Variants in SYT14 observed in about 807,000 individuals in gnomAD.
SYT14 encodes the protein synaptotagmin-14.
Under a neutral mutation model 74.2 loss-of-function variants are expected in SYT14, and 32 were observed. The observed-to-expected ratio is 0.43, with a 90% CI of 0.33 to 0.58. The LOEUF (loss-of-function observed/expected upper bound fraction) is 0.58. Among genes scored for constraint, SYT14 ranks in the 20% least tolerant of loss-of-function variants. SYT14 has a pLI of 0.05. For synonymous variants in SYT14, 298 were observed against 337.7 expected, an observed-to-expected ratio of 0.88 and a Z score of 1.29; for missense variants, 791 against 981.8, an observed-to-expected ratio of 0.81 and a Z score of 2.60.
At chr1:210,003,491 T>G (rs2079937241) in intron 2 of SYT14, among the ~76,000 whole-genome samples, 1 of 152,192 alleles carries the variant, frequency 6.6e-6, no homozygotes, top group South Asian at 2.1e-4. Flanking sequence ...CAGTTTAAAT[T>G]TTATGTTGTT....
At chr1:210,132,501 G>A (rs1162722961) in intron 7 of SYT14, among the ~76,000 whole-genome samples, 1 of 150,938 alleles carries the variant, frequency 6.6e-6, no homozygotes, top group Non-Finnish European at 1.5e-5. Flanking sequence ...CCCTTAATTG[G>A]TTTTGTAAGT....
intron 9 of SYT14, among the ~76,000 whole-genome samples, chr1:210,159,885 T>C (rs1331050338): frequency 1.3e-5 from 2 of 152,146 alleles, no homozygotes; most frequent in African/African-American, 4.8e-5. Context: ...AAAGGATTTG[T>C]CTCCCAAATA....
chr1:210,085,457 A>G (rs1028467405), intron 5 of SYT14, among the ~76,000 whole-genome samples: 11 of 152,324 alleles, frequency 7.2e-5, no homozygotes, highest in African/African-American at 2.6e-4. Context: ...CTGATCTCAG[A>G]GGTAAAACTT....
At chr1:209,965,683 G>A (rs757718371) in intron 2 of SYT14, among the ~76,000 whole-genome samples, 10 of 152,026 alleles carry the variant, frequency 6.6e-5, no homozygotes, top group Non-Finnish European at 8.8e-5. Flanking sequence ...TCAACAGTCC[G>A]TAAGCATTCC....
intron 5 of SYT14, among the ~76,000 whole-genome samples, chr1:210,032,081 T>G (rs2080549083): frequency 4.6e-5 from 7 of 152,082 alleles, no homozygotes; most frequent in Admixed American, 4.6e-4. Flanking sequence ...CAGAGTTAAG[T>G]ATCTTCCTTT....
chr1:209,957,456 CGCTCTTGTCACCCAGGCTGGAGT>C (rs1178698407), intron 2 of SYT14, among the ~76,000 whole-genome samples: 2 of 151,886 alleles, frequency 1.3e-5, no homozygotes, highest in African/African-American at 4.8e-5. Flanking sequence ...GAGACAGTCT[CGCTCTTGTCACCCAGGCTGGAGT>C]GCAATGGCGT....
chr1:210,006,839 T>C (rs1427024011), intron 2 of SYT14, among the ~76,000 whole-genome samples: 1 of 151,890 alleles, frequency 6.6e-6, no homozygotes, highest in Admixed American at 6.6e-5. Context: ...TAAATCAAAA[T>C]AGAAAATGTG....
chr1:210,033,669 G>A (rs1275414922), intron 5 of SYT14, among the ~76,000 whole-genome samples: 1 of 151,696 alleles, frequency 6.6e-6, no homozygotes, highest in East Asian at 1.9e-4. Flanking sequence ...TGGATTTTGA[G>A]TCTCAGTAAG....
At chr1:209,945,992 CATT>C (rs2078817126) in intron 1 of SYT14, among the ~76,000 whole-genome samples, 1 of 152,066 alleles carries the variant, frequency 6.6e-6, no homozygotes, top group South Asian at 2.1e-4. Context: ...GAAACTTTTT[CATT>C]ATTGTTATAT....
At chr1:210,116,265 T>C (rs942397405) in intron 7 of SYT14, among the ~76,000 whole-genome samples, 4 of 152,196 alleles carry the variant, frequency 2.6e-5, no homozygotes, top group African/African-American at 4.8e-5. Flanking sequence ...TCATAGGGTA[T>C]GTATATTATC....
At chr1:210,153,270 T>G (rs2083204135) in intron 7 of SYT14, among the ~76,000 whole-genome samples, 1 of 152,204 alleles carries the variant, frequency 6.6e-6, no homozygotes, top group African/African-American at 2.4e-5. Context: ...CTCATCTGTT[T>G]GTTGTGTAGC....
intron 2 of SYT14, 28 bp downstream of exon 2, chr1:209,952,784 A>C (rs762254814): frequency 6.3e-7 from 1 of 1,579,082 alleles, no homozygotes; most frequent in Non-Finnish European, 8.7e-7. Context: ...ATGGCTATTT[A>C]CATACTAAAT....
intron 5 of SYT14, among the ~76,000 whole-genome samples, chr1:210,058,128 G>C (rs1245517063): frequency 6.6e-6 from 1 of 152,192 alleles, no homozygotes; most frequent in South Asian, 2.1e-4. Context: ...CTGGAATAAA[G>C]AGGTAATAGT....
At position 210,159,410 on chromosome 1, in the gene SYT14, C is replaced by A. The variant is rs765417854; in HGVS notation, c.2225-11C>A. The A allele has an allele frequency of 4.8e-5, 75 of 1,551,326 alleles. No individual in the cohort carries two copies. In the African/African-American group the frequency reaches 9.2e-4, roughly 19 times the overall value. On this transcript the variant is annotated splice_polypyrimidine_tract_variant and intron_variant, in intron 8 of 9. Transcript: ENST00000637265. ...TTATTTCTTTTACTGCTTTCCACCCCCTGTTGTCAGATGGACTGTTCTGTT... is the reference window on the plus strand; with the variant it reads ...TTATTTCTTTTACTGCTTTCCACCCACTGTTGTCAGATGGACTGTTCTGTT...
chr1:209,971,912 G>A (rs888057217), intron 2 of SYT14, among the ~76,000 whole-genome samples: 5 of 152,098 alleles, frequency 3.3e-5, no homozygotes, highest in African/African-American at 9.7e-5. Flanking sequence ...AATAAGTTAC[G>A]GAGGAGTCCC....
intron 7 of SYT14, among the ~76,000 whole-genome samples, chr1:210,109,317 C>T (rs2082216674): frequency 6.6e-6 from 1 of 152,082 alleles, no homozygotes; most frequent in Non-Finnish European, 1.5e-5. Flanking sequence ...CGTTGGCTCA[C>T]ACCTGTAATC....
intron 7 of SYT14, among the ~76,000 whole-genome samples, chr1:210,139,270 T>C (rs564915844): frequency 4.0e-4 from 53 of 132,088 alleles, no homozygotes; most frequent in Admixed American, 2.2e-3. Flanking sequence ...TTTTTCTTTT[T>C]TTTTTTTTTT....
At chr1:210,084,077 T>C (rs1175759728) in intron 5 of SYT14, among the ~76,000 whole-genome samples, 1 of 152,190 alleles carries the variant, frequency 6.6e-6, no homozygotes, top group Non-Finnish European at 1.5e-5. Flanking sequence ...TGATATTTTT[T>C]AGCGCCATTA....
chr1:209,997,520 T>C (rs1031100925), intron 2 of SYT14, among the ~76,000 whole-genome samples: 1 of 152,086 alleles, frequency 6.6e-6, no homozygotes, highest in Non-Finnish European at 1.5e-5. Flanking sequence ...AGAATTAATA[T>C]CGTTAAAATG....
Sources: allele counts gnomAD v4.1 joint callset (sites outside exome capture counted in the v4.1 genomes callset), GRCh38; gene constraint gnomAD v4.1.1; transcripts MANE v1.5; gene names NCBI Gene and HGNC (gene_info 2026-07-23, HGNC 2026-07-21).